Variants in GABRE observed in about 807,000 individuals in gnomAD.
GABRE encodes gamma-aminobutyric acid type A receptor subunit epsilon.
GABRE carries 20 observed loss-of-function variants against 31.0 expected under a neutral mutation model. The ratio of observed to expected loss-of-function variants is 0.64; its 90% confidence interval spans 0.45 to 0.94. GABRE has a LOEUF of 0.94. GABRE is among the 40% of genes least tolerant of loss of function. The probability of loss-of-function intolerance (pLI) is 0.00; values close to 1 mark genes in which losing one functional copy is unlikely to be tolerated. For missense variants in GABRE, 420 were observed against 410.7 expected (o/e 1.02, Z -0.20); for synonymous variants, 155 against 150.6 (o/e 1.03, Z -0.21).
At chrX:151,960,957 T>C (rs1934349056) in intron 5 of GABRE, among the ~76,000 whole-genome samples, 1 of 111,353 alleles carries the variant, frequency 9.0e-6, no homozygotes, top group Non-Finnish European at 1.9e-5. Context: ...GAGGAGACAA[T>C]GAATTTCATT....
intron 4 of GABRE, among the ~76,000 whole-genome samples, chrX:151,961,814 AAAC>A (rs1220537802): frequency 9.2e-6 from 1 of 109,175 alleles, no homozygotes; most frequent in East Asian, 2.9e-4. Context: ...AGAGAAAACA[AAAC>A]AAAACAAAAC....
chrX:151,972,343 A>G, intron 1 of GABRE: 1 of 754,095 alleles, frequency 1.3e-6, no homozygotes, highest in Non-Finnish European at 1.6e-6. Context: ...TCTTTCCCTG[A>G]GGCCAAACTC....
At chrX:151,968,394 T>G (rs1934586530) in intron 3 of GABRE, among the ~76,000 whole-genome samples, 1 of 112,519 alleles carries the variant, frequency 8.9e-6, no homozygotes, top group East Asian at 2.8e-4. Flanking sequence ...ATTTGTTACA[T>G]AGTAATGCAT....
In GABRE at chrX:151,954,234, C is replaced by T. The variant is rs185462085; in HGVS notation, c.*467G>A. 349 of 116,536 alleles carry T rather than the reference C, an allele frequency of 3.0e-3. 1 individual carries two copies. Among genetic ancestry groups the T allele is most frequent in the African/African-American group, 0.011 (330 of 31,079 alleles). 9.6% of individuals were successfully genotyped at this position (116,536 alleles called of 1,213,427 possible). A position where few individuals can be genotyped will look rare whatever the true frequency, so the allele number is the denominator to read the frequency against. On this transcript the variant is annotated 3_prime_UTR_variant, in exon 9 of 9. Coordinates refer to ENST00000370328, the MANE Select transcript of GABRE (RefSeq NM_004961.4). ...TGCTGCCCAGCATCTTAATGAGGTG[C>T]CAGGTATAGGCAAGCAACTAGTCGG...
At chrX:151,962,343 T>C in intron 4 of GABRE, 80 bp downstream of exon 4, 1 of 877,734 alleles carries the variant, frequency 1.1e-6, no homozygotes, top group Admixed American at 2.4e-5. Flanking sequence ...GGATGAGATC[T>C]CTGCCCATGG....
intron 3 of GABRE, among the ~76,000 whole-genome samples, chrX:151,964,858 C>T: frequency 8.9e-6 from 1 of 111,957 alleles, no homozygotes; most frequent in Non-Finnish European, 1.9e-5. Context: ...TTGTGTGTCA[C>T]CACAACTATC....
At chrX:151,957,764 C>A in intron 6 of GABRE, 4 of 219,441 alleles carry the variant, frequency 1.8e-5, no homozygotes, top group African/African-American at 2.9e-5. Context: ...TGAACCAAAG[C>A]AAAAAAATAT....
intron 6 of GABRE, chrX:151,958,743 C>T: frequency 3.3e-6 from 1 of 301,273 alleles, no homozygotes; most frequent in Non-Finnish European, 6.6e-6. Context: ...AAGAGGCAGG[C>T]CCATGGTTAG....
At chrX:151,961,447 A>G in intron 4 of GABRE, 82 bp from the exon 5 acceptor site, 1 of 601,441 alleles carries the variant, frequency 1.7e-6, no homozygotes, top group East Asian at 3.3e-5. Context: ...ACTACCACCA[A>G]TGAATGGCCA....
At chrX:151,961,614 C>G (rs1055610352) in intron 4 of GABRE, among the ~76,000 whole-genome samples, 4 of 110,980 alleles carry the variant, frequency 3.6e-5, no homozygotes, top group African/African-American at 9.8e-5. Flanking sequence ...TTAGTGCCAG[C>G]ACACCCTGCT....
At chrX:151,974,459 G>A (rs1037146968) in intron 1 of GABRE, 111 bp downstream of exon 1, 3 of 507,758 alleles carry the variant, frequency 5.9e-6, no homozygotes, top group Non-Finnish European at 9.2e-6. Context: ...GGGGCAAAGC[G>A]GGCGCGGGGC....
Position 151,955,044 on chromosome X carries a change from C to A in GABRE, c.1178G>T (p.Arg393Leu), listed in dbSNP as rs765563256. ...ATGTTGGCGGGCACAGGCTCGGGAA[C>A]GTGCACGGGTACGGGCATGGGCACG... ...NSRAHARTRA[R>L]SRACARQHQE... The change falls in exon 9 of 9, where the codon CGT becomes CTT. Residue 393 changes from arginine to leucine, a missense_variant. Transcript: ENST00000370328. 8.3e-7 allele frequency: 1 copy of A among 1,201,760 alleles called. No homozygotes were observed. Among genetic ancestry groups the A allele is most frequent in the East Asian group, 3.0e-5 (1 of 33,532 alleles).
rs1934649549 is a variant in GABRE, at chrX:151,970,247, G to A, written c.212C>T (p.Ala71Val). The change falls in exon 2 of 9, where the codon GCC (alanine) becomes GTC (valine). Residue 71 changes from alanine (A) to valine (V), a missense_variant. Physicochemically the swap from Ala to Val is moderately conservative, Grantham distance 64. Coordinates refer to ENST00000370328, the MANE Select transcript of GABRE (RefSeq NM_004961.4). Reference protein sequence around the residue: ...TGSRVGKLPEASRILNTILSN... With the variant: ...TGSRVGKLPEVSRILNTILSN... ...CAGGATAGTGTTCAGGATGCGAGAG[G>A]CTTCTGGCAGTTTGCCAACTCTGCT... The A allele has an allele frequency of 8.3e-7, 1 of 1,210,514 alleles. No homozygotes were observed. The highest frequency in any genetic ancestry group is 1.8e-5 in the South Asian group (1 of 56,840).
Position 151,955,011 on chromosome X carries a change from G to A in GABRE, c.1211C>T (p.Ala404Val), listed in dbSNP as rs760966019. 1 of 1,205,468 alleles carries A rather than the reference G, an allele frequency of 8.3e-7. No individual in the cohort carries two copies. The highest frequency in any genetic ancestry group is 1.8e-5 in the South Asian group (1 of 55,567). Residue 404 changes from alanine to valine, a missense_variant, in exon 9 of 9, where the codon GCT (alanine) becomes GTT (valine). Transcript: ENST00000370328. ...SRACARQHQE[A>V]FVCQIVTTEG... is the part of the protein sequence containing the mutation. ...AGTGGTGACAATCTGGCACACAAAA[G>A]CTTCCTGATGTTGGCGGGCACAGGC...
chrX:151,961,812 C>CAA (rs762941274), intron 4 of GABRE, among the ~76,000 whole-genome samples: 1 of 104,953 alleles, frequency 9.5e-6, no homozygotes, highest in Non-Finnish European at 2.0e-5. Flanking sequence ...AGAGAGAAAA[C>CAA]AAAACAAAAC....
At chrX:151,973,374 A>G (rs112936728) in intron 1 of GABRE, among the ~76,000 whole-genome samples, 3,057 of 110,852 alleles carry the variant, frequency 0.028, 91 homozygotes, top group African/African-American at 0.094. Context: ...TCCACATCCC[A>G]TTTTGAGGGA....
At chrX:151,955,626 A>C in intron 7 of GABRE, 59 bp from the exon 8 acceptor site, 1 of 1,199,693 alleles carries the variant, frequency 8.3e-7, no homozygotes, top group Non-Finnish European at 1.1e-6. Context: ...ATTGGTTAAA[A>C]GACTCCATGA....
intron 1 of GABRE, 164 bp from the exon 2 acceptor site, chrX:151,970,566 G>A (rs1934663629): frequency 3.6e-6 from 2 of 556,255 alleles, no homozygotes; most frequent in Non-Finnish European, 5.5e-6. Flanking sequence ...TTAGGCTTGT[G>A]AATTTCTTTT....
At chrX:151,970,468 T>C (rs1569455676) in intron 1 of GABRE, 66 bp from the exon 2 acceptor site, 6 of 1,136,016 alleles carry the variant, frequency 5.3e-6, no homozygotes, top group East Asian at 6.1e-5. Flanking sequence ...CTAGTGCCTC[T>C]TGGGACAGAA....
Sources: gnomAD v4.1 joint callset for allele counts (sites outside exome capture counted in the v4.1 genomes callset) on GRCh38, gnomAD v4.1.1 for gene constraint, MANE v1.5 for transcripts, NCBI Gene and HGNC (gene_info 2026-07-23, HGNC 2026-07-21) for gene names.